The following CYYR1 variants were observed in gnomAD, a reference collection of about 807,000 sequenced individuals.
CYYR1 encodes cysteine and tyrosine rich 1, also known as cysteine and tyrosine-rich protein 1.
Under a neutral mutation model 15.2 loss-of-function variants are expected in CYYR1, and 14 were observed. The ratio of observed to expected loss-of-function variants is 0.92; its 90% CI spans 0.61 to 1.44. CYYR1 has a LOEUF of 1.44. Among genes scored for constraint, CYYR1 ranks in the 40% most tolerant of loss-of-function variants. The pLI is 0.00. For synonymous variants in CYYR1, 80 were observed against 77.4 expected (o/e 1.03, Z -0.18); for missense variants, 228 against 209.5 (o/e 1.09, Z -0.54).
intron 2 of CYYR1, chr21:26,564,530 A>T: frequency 2.9e-6 from 1 of 349,460 alleles, no homozygotes; most frequent in Non-Finnish European, 4.0e-6. Context: ...CGGTGAGATT[A>T]AAGATATAGA....
intron 2 of CYYR1, among the ~76,000 whole-genome samples, chr21:26,511,041 T>C (rs1330526500): frequency 6.6e-6 from 1 of 152,232 alleles, no homozygotes. Flanking sequence ...AATGAACACA[T>C]TATCCCTATG....
At chr21:26,491,735 C>T (rs1390628734) in intron 2 of CYYR1, among the ~76,000 whole-genome samples, 1 of 152,118 alleles carries the variant, frequency 6.6e-6, no homozygotes, top group Admixed American at 6.6e-5. Flanking sequence ...GACAATGAGT[C>T]CACGTGCCTA....
rs1569140064 is a variant in CYYR1, at chr21:26,480,267, CT to C, written c.334+4del. On this transcript the variant is annotated splice_donor_region_variant and intron_variant, in intron 3 of 3. Coordinates refer to ENST00000652641, the MANE Select transcript of CYYR1 (RefSeq NM_001320768.2). ...GAGCCTTCGAGAGTCAACAGTTTTG[CT>C]CACCAGGATAGGAGGAGACGGTGTT... 1 of 1,602,304 alleles carries C rather than the reference CT, an allele frequency of 6.2e-7. No homozygotes were observed. Among genetic ancestry groups the C allele is most frequent in the Admixed American group, 1.7e-5 (1 of 57,430 alleles).
At chr21:26,514,907 C>A (rs867239226) in intron 2 of CYYR1, among the ~76,000 whole-genome samples, 1 of 152,172 alleles carries the variant, frequency 6.6e-6, no homozygotes, top group African/African-American at 2.4e-5. Context: ...TCACATGTTT[C>A]CCACCGCTAT....
intron 2 of CYYR1, among the ~76,000 whole-genome samples, chr21:26,544,357 G>T (rs1157744926): frequency 6.6e-6 from 1 of 152,080 alleles, no homozygotes; most frequent in African/African-American, 2.4e-5. Flanking sequence ...ACCTGACCAG[G>T]ATTTATGAAT....
intron 2 of CYYR1, chr21:26,564,871 A>G (rs1325330205): frequency 8.9e-7 from 1 of 1,127,638 alleles, no homozygotes; most frequent in Admixed American, 2.5e-5. Context: ...TAAATTTATT[A>G]ATAATATATT....
At chr21:26,528,168 T>A (rs1601794948) in intron 2 of CYYR1, among the ~76,000 whole-genome samples, 1 of 152,332 alleles carries the variant, frequency 6.6e-6, no homozygotes, top group African/African-American at 2.4e-5. Context: ...TAGCTAAATA[T>A]CTTTTTTTAG....
At chr21:26,564,900 C>T (rs575856527) in intron 2 of CYYR1, 26 of 829,714 alleles carry the variant, frequency 3.1e-5, no homozygotes, top group South Asian at 1.7e-4. Flanking sequence ...TTAAATACTG[C>T]GAAGTAATAT....
rs531135565 is a variant in CYYR1, at chr21:26,524,576, C to T, written c.176+41690G>A. On this transcript the variant is annotated intron_variant, in intron 2 of 3. Transcript: ENST00000652641. ...TTGCTTTAGGCAGTTTTGTTGGATT[C>T]AGATGGCTGGAAGCTGAACATGCTT... Among the ~76,000 whole-genome samples, 3 of 152,272 alleles carry T rather than the reference C, an allele frequency of 2.0e-5. No homozygotes were observed. In the East Asian group the frequency reaches 5.8e-4, roughly 29 times the overall value.
At chr21:26,483,485 C>A in intron 2 of CYYR1, 1 of 950,794 alleles carries the variant, frequency 1.1e-6, no homozygotes, top group Non-Finnish European at 1.3e-6. Flanking sequence ...CAGGTGAACT[C>A]CAAAGAACAG....
chr21:26,565,102 A>G (rs1189987630), intron 2 of CYYR1, among the ~76,000 whole-genome samples: 1 of 152,176 alleles, frequency 6.6e-6, no homozygotes, highest in Non-Finnish European at 1.5e-5. Flanking sequence ...CATGGTTTTT[A>G]ATTATAGCTT....
chr21:26,485,155 G>A lies in CYYR1; in HGVS notation c.177-4726C>T, dbSNP rs148916500. Among the ~76,000 whole-genome samples, 368 of 151,874 alleles carry A rather than the reference G, an allele frequency of 2.4e-3. 1 individual carries two copies. The highest frequency in any genetic ancestry group is 8.2e-3 in the African/African-American group (340 of 41,486). ...GGGAATGTATTTTTTTTAAAACAAC[G>A]CCTTGCAAGGTTTGCACATTTTCCT... On this transcript the variant is annotated intron_variant, in intron 2 of 3. Coordinates refer to ENST00000652641, the MANE Select transcript of CYYR1 (RefSeq NM_001320768.2).
intron 2 of CYYR1, among the ~76,000 whole-genome samples, chr21:26,555,093 A>G (rs1037476967): frequency 6.6e-6 from 1 of 152,070 alleles, no homozygotes; most frequent in Non-Finnish European, 1.5e-5. Context: ...CCCAAGCCCG[A>G]TTTTTCTGTG....
chr21:26,490,944 A>G (rs1201951430), intron 2 of CYYR1, among the ~76,000 whole-genome samples: 1 of 152,196 alleles, frequency 6.6e-6, no homozygotes, highest in East Asian at 1.9e-4. Flanking sequence ...AATTCCTGGA[A>G]TGTCTGTGAA....
intron 2 of CYYR1, among the ~76,000 whole-genome samples, chr21:26,519,345 C>T (rs9984180): frequency 0.33 from 50,457 of 151,820 alleles, 9,053 homozygotes; most frequent in African/African-American, 0.47. Flanking sequence ...TGTAGAAGAA[C>T]TGGGAAACAA....
At chr21:26,488,955 T>C (rs151002270) in intron 2 of CYYR1, among the ~76,000 whole-genome samples, 21 of 152,302 alleles carry the variant, frequency 1.4e-4, no homozygotes, top group African/African-American at 4.3e-4. Context: ...TGAATGTATG[T>C]GTGTGTGATA....
chr21:26,504,452 A>G (rs1431445570), intron 2 of CYYR1, among the ~76,000 whole-genome samples: 1 of 151,984 alleles, frequency 6.6e-6, no homozygotes, highest in Non-Finnish European at 1.5e-5. Flanking sequence ...TTGTATCTTT[A>G]GTAGAGATGG....
chr21:26,552,456 G>T (rs987671381), intron 2 of CYYR1, among the ~76,000 whole-genome samples: 3 of 152,096 alleles, frequency 2.0e-5, no homozygotes, highest in African/African-American at 7.2e-5. Context: ...TTACTGGTAT[G>T]TTTAGATCAT....
chr21:26,489,956 ACAAT>A (rs895831660), intron 2 of CYYR1, among the ~76,000 whole-genome samples: 6 of 152,224 alleles, frequency 3.9e-5, no homozygotes, highest in Admixed American at 1.3e-4. Context: ...CATTTTGCCT[ACAAT>A]TCTAACTGAC....
Sources: allele counts gnomAD v4.1 joint callset (sites outside exome capture counted in the v4.1 genomes callset), GRCh38; gene constraint gnomAD v4.1.1; transcripts MANE v1.5; gene names NCBI Gene and HGNC (gene_info 2026-07-23, HGNC 2026-07-21).